The following GRIK3 variants were observed in gnomAD, a reference collection of about 807,000 sequenced individuals.
GRIK3 encodes glutamate receptor ionotropic, kainate 3.
A neutral mutation model predicts 102.5 loss-of-function variants in GRIK3; 29 were observed. That is an observed-to-expected ratio of 0.28 (90% CI 0.21 to 0.39). The LOEUF (loss-of-function observed/expected upper bound fraction) is 0.39. GRIK3 is among the 10% of genes least tolerant of loss of function. GRIK3 has a pLI of 1.00. For synonymous variants in GRIK3, 511 were observed against 504.9 expected, an observed-to-expected ratio of 1.01 and a Z score of -0.16; for missense variants, 908 against 1,252.4, an observed-to-expected ratio of 0.73 and a Z score of 4.15.
chr1:36,798,752 C>T lies in GRIK3; in HGVS notation c.*3099G>A, dbSNP rs1432334214. ...CAAATATCAGCCACACCGACAACAC[C>T]TGAACATCAGGACGCAAGGTTTGCC... On this transcript the variant is annotated 3_prime_UTR_variant, in exon 16 of 16. Transcript: ENST00000373091. 1 of 152,264 alleles carries T rather than the reference C, an allele frequency of 6.6e-6. No homozygotes were observed. The highest frequency in any genetic ancestry group is 1.5e-5 in the Non-Finnish European group (1 of 68,052). The allele number at this position is 152,264 out of a possible 1,614,324, so 9.4% of individuals were successfully genotyped here.
intron 3 of GRIK3, among the ~76,000 whole-genome samples, chr1:36,873,957 T>C (rs1182069650): frequency 6.6e-6 from 1 of 152,192 alleles, no homozygotes; most frequent in African/African-American, 2.4e-5. Flanking sequence ...AGAGAACAAG[T>C]AGCAAAGAAG....
chr1:36,898,332 C>T (rs1485029955), intron 1 of GRIK3, among the ~76,000 whole-genome samples: 3 of 152,130 alleles, frequency 2.0e-5, no homozygotes, highest in Non-Finnish European at 1.5e-5. Flanking sequence ...ATGGCTACCT[C>T]ATTTCCCATG....
intron 1 of GRIK3, among the ~76,000 whole-genome samples, chr1:37,025,520 T>C (rs577958156): frequency 6.0e-4 from 91 of 152,348 alleles, no homozygotes; most frequent in African/African-American, 2.1e-3. Context: ...TTCTTCACCA[T>C]AGACAGGAAA....
intron 1 of GRIK3, among the ~76,000 whole-genome samples, chr1:37,030,136 C>T (rs993999496): frequency 6.6e-6 from 1 of 152,182 alleles, no homozygotes; most frequent in Admixed American, 6.5e-5. Context: ...CAAGTTAATG[C>T]TCTCTAAGGC....
At chr1:36,946,776 C>T (rs576743501) in intron 1 of GRIK3, among the ~76,000 whole-genome samples, 2 of 152,248 alleles carry the variant, frequency 1.3e-5, no homozygotes, top group East Asian at 3.9e-4. Flanking sequence ...TGCTCATACA[C>T]GGCAGGGTTG....
At chr1:36,830,002 T>G (rs1261130488) in intron 10 of GRIK3, among the ~76,000 whole-genome samples, 1 of 152,218 alleles carries the variant, frequency 6.6e-6, no homozygotes, top group East Asian at 1.9e-4. Context: ...ACTCCCAGCT[T>G]GCTGCCTGTG....
At chr1:36,942,179 T>G (rs1641728136) in intron 1 of GRIK3, among the ~76,000 whole-genome samples, 1 of 152,204 alleles carries the variant, frequency 6.6e-6, no homozygotes, top group Non-Finnish European at 1.5e-5. Flanking sequence ...CGGCACTACC[T>G]GCAGTTGCAG....
Position 36,852,838 on chromosome 1 carries a change from C to T in GRIK3, c.1212+777G>A, listed in dbSNP as rs528146311. 4.6e-5 allele frequency among the ~76,000 whole-genome samples: 7 copies of T among 152,246 alleles called. No individual in the cohort carries two copies. In the South Asian group the frequency reaches 1.5e-3, roughly 32 times the overall value. ...TGCTGGGGACAGAGTGTGGCTGAGCCCCCAGAATCCAGGTCCCAGGGGATG... is the reference window on the plus strand; with the variant it reads ...TGCTGGGGACAGAGTGTGGCTGAGCTCCCAGAATCCAGGTCCCAGGGGATG... On this transcript the variant is annotated intron_variant, in intron 8 of 15. Transcript: ENST00000373091.
chr1:37,023,189 T>A (rs1431143227), intron 1 of GRIK3, among the ~76,000 whole-genome samples: 1 of 151,992 alleles, frequency 6.6e-6, no homozygotes, highest in Non-Finnish European at 1.5e-5. Context: ...GAGCCAGGCA[T>A]GGTGGCATGC....
intron 11 of GRIK3, among the ~76,000 whole-genome samples, chr1:36,823,472 CAAAAAAAAAAAAAA>C (rs71053954): frequency 5.3e-5 from 2 of 38,092 alleles, no homozygotes; most frequent in African/African-American, 1.7e-4. Context: ...GACTCCGTCT[CAAAAAAAAAAAAAA>C]AAAAAAAAAA....
At chr1:36,919,167 C>T (rs564561832) in intron 1 of GRIK3, among the ~76,000 whole-genome samples, 1 of 152,224 alleles carries the variant, frequency 6.6e-6, no homozygotes, top group Non-Finnish European at 1.5e-5. Context: ...CAGTCCTTGC[C>T]TTGGTTTGTT....
intron 10 of GRIK3, among the ~76,000 whole-genome samples, chr1:36,840,242 C>T (rs1348975346): frequency 6.6e-6 from 1 of 151,906 alleles, no homozygotes; most frequent in African/African-American, 2.4e-5. Flanking sequence ...TCTAAGGGGT[C>T]CAGTATGGAT....
At position 36,954,935 on chromosome 1, in the gene GRIK3, G is replaced by A. The variant is rs12040191; in HGVS notation, c.116-63839C>T. ...TGTGCACATGCACGTTCACACACACGAACACACACACACAGGTCCATAGGA... is the reference window on the plus strand; with the variant it reads ...TGTGCACATGCACGTTCACACACACAAACACACACACACAGGTCCATAGGA... On this transcript the variant is annotated intron_variant, in intron 1 of 15. Transcript: ENST00000373091. Among the ~76,000 whole-genome samples the A allele has an allele frequency of 2.2e-4, 33 of 152,296 alleles. No individual in the cohort carries two copies. The East Asian group carries it at 4.8e-3, about 22-fold the overall frequency.
At chr1:37,032,514 C>G (rs1254055885) in intron 1 of GRIK3, among the ~76,000 whole-genome samples, 1 of 152,056 alleles carries the variant, frequency 6.6e-6, no homozygotes, top group Admixed American at 6.5e-5. Context: ...CTTCCTGCCC[C>G]TGGAATGGTG....
chr1:36,869,744 T>C lies in GRIK3; in HGVS notation c.786+4A>G. 1 of 1,605,208 alleles carries C rather than the reference T, an allele frequency of 6.2e-7. No homozygotes were observed. The highest frequency in any genetic ancestry group is 8.5e-7 in the Non-Finnish European group (1 of 1,171,808). On this transcript the variant is annotated splice_donor_region_variant and intron_variant, in intron 5 of 15. Transcript: ENST00000373091. ...TCCCGTGCCAGGACCCAGAGGTACATTACCAGAGTGGTGAAGATGAAGTGG... is the reference window on the plus strand; with the variant it reads ...TCCCGTGCCAGGACCCAGAGGTACACTACCAGAGTGGTGAAGATGAAGTGG...
At chr1:36,927,576 G>A (rs752851184) in intron 1 of GRIK3, among the ~76,000 whole-genome samples, 21 of 152,222 alleles carry the variant, frequency 1.4e-4, no homozygotes, top group African/African-American at 2.4e-4. Context: ...ACTCCATGTC[G>A]CCTTATCTTG....
intron 1 of GRIK3, among the ~76,000 whole-genome samples, chr1:36,986,374 CCCATCCATCCAT>C (rs368867732): frequency 2.7e-5 from 4 of 149,316 alleles, no homozygotes; most frequent in Admixed American, 6.7e-5. Context: ...CGTCAGTCCG[CCCATCCATCCAT>C]CCATCCATCC....
At chr1:36,994,476 T>C (rs1047981969) in intron 1 of GRIK3, among the ~76,000 whole-genome samples, 2 of 152,260 alleles carry the variant, frequency 1.3e-5, no homozygotes, top group Non-Finnish European at 1.5e-5. Context: ...TTATTACCTA[T>C]GAAATGGCAT....
intron 1 of GRIK3, among the ~76,000 whole-genome samples, chr1:36,969,170 C>T (rs1029291863): frequency 1.3e-5 from 2 of 152,198 alleles, no homozygotes; most frequent in African/African-American, 4.8e-5. Flanking sequence ...AGAGTGTCAA[C>T]AGGGGCTGAG....
Sources: gnomAD v4.1 joint callset for allele counts (sites outside exome capture counted in the v4.1 genomes callset) on GRCh38, gnomAD v4.1.1 for gene constraint, MANE v1.5 for transcripts, NCBI Gene and HGNC (gene_info 2026-07-23, HGNC 2026-07-21) for gene names.